The following CADM2 variants were observed in gnomAD, a reference collection of about 807,000 sequenced individuals.
CADM2 encodes immunoglobulin superfamily member 4D.
In CADM2, 12 loss-of-function variants were observed where a neutral mutation model predicts 49.8. The ratio of observed to expected loss-of-function variants is 0.24; its 90% CI spans 0.15 to 0.39. The LOEUF (loss-of-function observed/expected upper bound fraction) is 0.39, where lower values mean the gene tolerates loss of function less well. Ranked by LOEUF, CADM2 falls within the 10% of genes least tolerant of loss-of-function variation. The probability of loss-of-function intolerance (pLI) is 1.00; values close to 1 mark genes in which losing one functional copy is unlikely to be tolerated. For synonymous variants in CADM2, 214 were observed against 175.4 expected (o/e 1.22, Z -1.74); for missense variants, 378 against 492.3 (o/e 0.77, Z 2.20).
intron 1 of CADM2, among the ~76,000 whole-genome samples, chr3:84,965,550 C>T (rs1292879588): frequency 6.6e-6 from 1 of 152,172 alleles, no homozygotes; most frequent in Non-Finnish European, 1.5e-5. Flanking sequence ...AAACTATCAA[C>T]ATTTTCATCC....
intron 1 of CADM2, among the ~76,000 whole-genome samples, chr3:85,169,667 G>A (rs980281139): frequency 1.3e-5 from 2 of 152,124 alleles, no homozygotes; most frequent in African/African-American, 4.8e-5. Context: ...AGCTACCCAG[G>A]AGGCTGAGGC....
chr3:85,648,022 A>G (rs897311680), intron 1 of CADM2, among the ~76,000 whole-genome samples: 1 of 151,880 alleles, frequency 6.6e-6, no homozygotes. Context: ...TGTGCAATTG[A>G]AATGAGTTAC....
chr3:85,796,990 G>A (rs1160388515), intron 2 of CADM2, among the ~76,000 whole-genome samples: 5 of 151,682 alleles, frequency 3.3e-5, no homozygotes, highest in Non-Finnish European at 5.9e-5. Flanking sequence ...AGCTACTCGG[G>A]AGGCTGAGCA....
intron 1 of CADM2, among the ~76,000 whole-genome samples, chr3:85,696,032 C>T (rs990835409): frequency 2.0e-5 from 3 of 151,978 alleles, no homozygotes; most frequent in African/African-American, 7.2e-5. Flanking sequence ...CAATGTTTAG[C>T]ATTTTTCATA....
chr3:85,023,477 C>G (rs528142544), intron 1 of CADM2, among the ~76,000 whole-genome samples: 8 of 151,906 alleles, frequency 5.3e-5, no homozygotes, highest in Non-Finnish European at 1.0e-4. Context: ...ATCAGTTTTC[C>G]CAGTAGGTTT....
intron 1 of CADM2, among the ~76,000 whole-genome samples, chr3:85,417,217 C>G (rs1160898063): frequency 6.6e-6 from 1 of 152,028 alleles, no homozygotes; most frequent in Non-Finnish European, 1.5e-5. Context: ...TTTCTTATTG[C>G]ATAGAGTATT....
chr3:85,065,765 T>C (rs2107458410), intron 1 of CADM2, among the ~76,000 whole-genome samples: 1 of 152,304 alleles, frequency 6.6e-6, no homozygotes, highest in African/African-American at 2.4e-5. Context: ...CATAAAACAA[T>C]TATTTGCTTA....
At chr3:85,084,156 T>A (rs558005841) in intron 1 of CADM2, among the ~76,000 whole-genome samples, 2 of 152,180 alleles carry the variant, frequency 1.3e-5, no homozygotes, top group Non-Finnish European at 2.9e-5. Context: ...TTTTCTGTAG[T>A]TGTAAGTCAA....
At chr3:85,990,316 C>T (rs773114918) in intron 8 of CADM2, among the ~76,000 whole-genome samples, 2 of 152,062 alleles carry the variant, frequency 1.3e-5, no homozygotes, top group Non-Finnish European at 2.9e-5. Context: ...ATCATTTTGC[C>T]TAACTGTAGG....
intron 8 of CADM2, among the ~76,000 whole-genome samples, chr3:86,062,343 G>A (rs1242779504): frequency 6.6e-6 from 1 of 152,084 alleles, no homozygotes; most frequent in African/African-American, 2.4e-5. Flanking sequence ...AGATTTATGG[G>A]CAATGATAGA....
chr3:85,892,157 C>T (rs1714529941), intron 5 of CADM2, among the ~76,000 whole-genome samples: 1 of 152,068 alleles, frequency 6.6e-6, no homozygotes, highest in Non-Finnish European at 1.5e-5. Flanking sequence ...TGGTAAGTAC[C>T]TGAACTAATG....
At chr3:85,893,726 G>A (rs1714802239) in intron 5 of CADM2, among the ~76,000 whole-genome samples, 1 of 152,204 alleles carries the variant, frequency 6.6e-6, no homozygotes, top group African/African-American at 2.4e-5. Context: ...TATTTATGCA[G>A]CAAGAAGACA....
rs146252972 is a variant in CADM2, at chr3:85,891,486, C to T, written c.529+5159C>T. Among the ~76,000 whole-genome samples the T allele has an allele frequency of 1.5e-3, 222 of 152,222 alleles. 5 individuals carry two copies. In the East Asian group the frequency reaches 0.042, roughly 29 times the overall value. ...TGAATATGATGTGATATGATTGCCT[C>T]GAATATGATACTTTATATTACAAAA... On this transcript the variant is annotated intron_variant, in intron 5 of 9. Coordinates refer to ENST00000383699, the MANE Select transcript of CADM2 (RefSeq NM_001167675.2).
At chr3:85,802,861 A>G (rs1321085772) in intron 3 of CADM2, among the ~76,000 whole-genome samples, 1 of 152,092 alleles carries the variant, frequency 6.6e-6, no homozygotes, top group East Asian at 1.9e-4. Context: ...GCTTTCATCC[A>G]TTATTAGATG....
In CADM2 at chr3:85,504,749, G is replaced by A. The variant is rs547366145; in HGVS notation, c.62-221773G>A. On this transcript the variant is annotated intron_variant, in intron 1 of 9. Transcript: ENST00000383699. Reference sequence around the variant, plus strand: ...GGGGCGGCGCTCATCGGGGAGGCTCGGGCCGCACAGGAGCCCACGGAGGGG... The same window carrying A: ...GGGGCGGCGCTCATCGGGGAGGCTCAGGCCGCACAGGAGCCCACGGAGGGG... Among the ~76,000 whole-genome samples, 6 of 152,272 alleles carry A rather than the reference G, an allele frequency of 3.9e-5. No homozygotes were observed. The South Asian group carries it at 1.0e-3, about 26-fold the overall frequency.
At chr3:85,743,063 T>C (rs1577208433) in intron 2 of CADM2, among the ~76,000 whole-genome samples, 1 of 152,278 alleles carries the variant, frequency 6.6e-6, no homozygotes, top group Non-Finnish European at 1.5e-5. Flanking sequence ...TAAATAACAA[T>C]AATAAAAGCC....
rs375542521 is a variant in CADM2 at position 85,248,873 on chromosome 3, C to T, written c.61+289205C>T. On this transcript the variant is annotated intron_variant, in intron 1 of 9. Coordinates refer to ENST00000383699, the MANE Select transcript of CADM2 (RefSeq NM_001167675.2). Reference sequence around the variant, plus strand: ...GGTGTACTCAGTAAATCAGCTTTCTCATCCATGATGTTCATTATTTCACAG... The same window carrying T: ...GGTGTACTCAGTAAATCAGCTTTCTTATCCATGATGTTCATTATTTCACAG... Among the ~76,000 whole-genome samples the T allele has an allele frequency of 1.8e-3, 274 of 152,218 alleles. 1 individual carries two copies. Among genetic ancestry groups the T allele is most frequent in the African/African-American group, 6.3e-3 (263 of 41,560 alleles).
At chr3:85,834,742 A>AGG (rs2074331388) in intron 3 of CADM2, among the ~76,000 whole-genome samples, 1 of 151,096 alleles carries the variant, frequency 6.6e-6, no homozygotes. Context: ...TCTTGGGGAA[A>AGG]AAAAAAAAAA....
intron 3 of CADM2, among the ~76,000 whole-genome samples, chr3:85,858,336 T>A (rs894500707): frequency 2.0e-5 from 3 of 152,208 alleles, no homozygotes; most frequent in African/African-American, 7.2e-5. Flanking sequence ...TAACACAATT[T>A]TCTTGTTATA....
Sources: allele counts gnomAD v4.1 joint callset (sites outside exome capture counted in the v4.1 genomes callset), GRCh38; gene constraint gnomAD v4.1.1; transcripts MANE v1.5; gene names NCBI Gene and HGNC (gene_info 2026-07-23, HGNC 2026-07-21).